The following TNRC6A variants were observed in gnomAD, a reference collection of about 807,000 sequenced individuals.
TNRC6A encodes trinucleotide repeat containing adaptor 6A.
In TNRC6A, 44 loss-of-function variants were observed where a neutral mutation model predicts 221.2. The ratio of observed to expected loss-of-function variants is 0.20; its 90% CI spans 0.16 to 0.26. TNRC6A has a LOEUF of 0.26. TNRC6A is among the 10% of genes least tolerant of loss of function. The pLI is 1.00. For missense variants in TNRC6A, 2,199 were observed against 2,404.4 expected, an observed-to-expected ratio of 0.91 and a Z score of 1.79; for synonymous variants, 847 against 838.5, an observed-to-expected ratio of 1.01 and a Z score of -0.18.
At chr16:24,675,698 CTCTCTATATATATATA>C (rs1427872029) in intron 2 of TNRC6A, among the ~76,000 whole-genome samples, 2 of 66,600 alleles carry the variant, frequency 3.0e-5, no homozygotes, top group African/African-American at 6.3e-5. Context: ...CTCTCTCTCT[CTCTCTATATATATATA>C]TATATATATA....
At chr16:24,610,788 C>G (rs1189666979) in intron 1 of TNRC6A, among the ~76,000 whole-genome samples, 2 of 152,032 alleles carry the variant, frequency 1.3e-5, no homozygotes, top group Non-Finnish European at 2.9e-5. Context: ...CACCTTCCCC[C>G]TTTCCACCCC....
chr16:24,671,398 C>T (rs2055298731), intron 2 of TNRC6A, among the ~76,000 whole-genome samples: 1 of 152,262 alleles, frequency 6.6e-6, no homozygotes, highest in South Asian at 2.1e-4. Flanking sequence ...CGCATTGACG[C>T]GGCTTGGACT....
intron 5 of TNRC6A, among the ~76,000 whole-genome samples, chr16:24,786,507 G>T (rs2057972571): frequency 6.6e-6 from 1 of 151,360 alleles, no homozygotes; most frequent in African/African-American, 2.4e-5. Context: ...GTAGAGATGG[G>T]CTTTCTCCGT....
rs993478193 is a variant in TNRC6A, at chr16:24,729,668, TGCGGCGGCGGCGGTG to T, written c.-173_-159del. The T allele has an allele frequency of 2.0e-4, 127 of 649,366 alleles. 7 individuals carry two copies. Among genetic ancestry groups the T allele is most frequent in the Non-Finnish European group, 2.4e-4 (111 of 458,754 alleles). 40.2% of individuals were successfully genotyped at this position (649,366 alleles called of 1,614,324 possible). ...GGGCATTCACTTCCGGTCTGGGGCC[TGCGGCGGCGGCGGTG>T]TCGGCGGCGGCGGCGGCGGCGGCGG... On this transcript the variant is annotated 5_prime_UTR_variant, in exon 1 of 25. Coordinates refer to ENST00000395799, the MANE Select transcript of TNRC6A (RefSeq NM_014494.4).
intron 2 of TNRC6A, among the ~76,000 whole-genome samples, chr16:24,709,086 G>A (rs965076783): frequency 3.9e-5 from 6 of 151,924 alleles, no homozygotes; most frequent in Non-Finnish European, 7.4e-5. Context: ...GAGAAACCCC[G>A]TCTCTACTAA....
chr16:24,692,370 A>C (rs367727126), intron 2 of TNRC6A, among the ~76,000 whole-genome samples: 15 of 152,298 alleles, frequency 9.8e-5, no homozygotes, highest in African/African-American at 3.6e-4. Flanking sequence ...CAGGAGTTCG[A>C]AACCAGCCTG....
intron 2 of TNRC6A, among the ~76,000 whole-genome samples, chr16:24,643,131 TATATATAA>T (rs1567319595): frequency 2.3e-5 from 1 of 43,256 alleles, no homozygotes; most frequent in Non-Finnish European, 4.8e-5. Context: ...ATAAAATATA[TATATATAA>T]AAAATCCATC....
intron 1 of TNRC6A, among the ~76,000 whole-genome samples, chr16:24,611,826 C>T (rs1900069478): frequency 6.6e-6 from 1 of 152,136 alleles, no homozygotes; most frequent in African/African-American, 2.4e-5. Context: ...GACACAGTGG[C>T]TCACACCTGT....
intron 11 of TNRC6A, 71 bp from the exon 12 acceptor site, chr16:24,804,106 T>C (rs2058381033): frequency 6.7e-7 from 1 of 1,490,102 alleles, no homozygotes; most frequent in Non-Finnish European, 8.9e-7. Context: ...AGTGTTTTGC[T>C]TTTGTTGTAA....
intron 4 of TNRC6A, 108 bp downstream of exon 4, chr16:24,758,468 G>A (rs373105475): frequency 5.0e-5 from 60 of 1,200,524 alleles, no homozygotes; most frequent in East Asian, 3.1e-4. Context: ...TGAAAGAAGC[G>A]GTTGGGATTA....
Position 24,745,191 on chromosome 16 carries a change from T to G in TNRC6A, c.54-5535T>G, listed in dbSNP as rs143658561. Among the ~76,000 whole-genome samples the G allele has an allele frequency of 6.8e-3, 1,032 of 152,324 alleles. 6 individuals carry two copies. Among genetic ancestry groups the G allele is most frequent in the Admixed American group, 0.011 (174 of 15,304 alleles). On this transcript the variant is annotated intron_variant, in intron 2 of 24. Transcript: ENST00000395799. ...ACTTCATTTTATCCTATTCTCTTCATTTTACAGCTGAAGCTTTTGAAAAAC... is the reference window on the plus strand; with the variant it reads ...ACTTCATTTTATCCTATTCTCTTCAGTTTACAGCTGAAGCTTTTGAAAAAC...
intron 2 of TNRC6A, chr16:24,671,096 A>C: frequency 3.6e-6 from 1 of 274,954 alleles, no homozygotes; most frequent in Non-Finnish European, 8.0e-6. Flanking sequence ...CTCCGCGCCA[A>C]GGTCACCCAC....
chr16:24,804,596 C>G, intron 12 of TNRC6A, 109 bp from the exon 13 acceptor site: 1 of 1,455,178 alleles, frequency 6.9e-7, no homozygotes, highest in Non-Finnish European at 9.2e-7. Flanking sequence ...CTACCTGTTT[C>G]CTGTTGATGC....
At chr16:24,711,380 T>C (rs1361642580) in intron 2 of TNRC6A, among the ~76,000 whole-genome samples, 2 of 152,124 alleles carry the variant, frequency 1.3e-5, no homozygotes, top group Non-Finnish European at 2.9e-5. Flanking sequence ...AATTTTGACA[T>C]ATATAGAGAG....
At chr16:24,667,128 A>G (rs2055188743) in intron 2 of TNRC6A, among the ~76,000 whole-genome samples, 1 of 152,014 alleles carries the variant, frequency 6.6e-6, no homozygotes, top group Non-Finnish European at 1.5e-5. Context: ...ATAAATAAGT[A>G]AAAATAAAAA....
At chr16:24,733,686 A>G (rs756395021) in intron 2 of TNRC6A, among the ~76,000 whole-genome samples, 8 of 152,254 alleles carry the variant, frequency 5.3e-5, no homozygotes, top group Non-Finnish European at 8.8e-5. Flanking sequence ...AAGGCCAGAT[A>G]TAGAGGTTCT....
intron 2 of TNRC6A, among the ~76,000 whole-genome samples, chr16:24,716,969 G>GA (rs61090241): frequency 2.0e-3 from 213 of 107,466 alleles, no homozygotes; most frequent in Middle Eastern, 4.9e-3. Context: ...AAAAAAAAAA[G>GA]AAAAAAAAAA....
In TNRC6A at chr16:24,798,970, G is replaced by A. The variant is rs1320792871; in HGVS notation, c.3694+1004G>A. 2.6e-5 allele frequency among the ~76,000 whole-genome samples: 4 copies of A among 152,304 alleles called. 1 individual carries two copies. The highest frequency in any genetic ancestry group is 3.9e-4 in the East Asian group (2 of 5,186). On this transcript the variant is annotated intron_variant, in intron 11 of 24. Transcript: ENST00000395799. ...ACTATGGTGCCATGCCAGTAGGAGTGCAGGAAATCCACCCTCTAAGATACC... is the reference window on the plus strand; with the variant it reads ...ACTATGGTGCCATGCCAGTAGGAGTACAGGAAATCCACCCTCTAAGATACC...
At chr16:24,756,320 T>C (rs1311513630) in intron 3 of TNRC6A, among the ~76,000 whole-genome samples, 1 of 152,194 alleles carries the variant, frequency 6.6e-6, no homozygotes, top group East Asian at 1.9e-4. Flanking sequence ...AAATGACTGA[T>C]CCCACCTGGA....
Sources: allele counts gnomAD v4.1 joint callset (sites outside exome capture counted in the v4.1 genomes callset), GRCh38; gene constraint gnomAD v4.1.1; transcripts MANE v1.5; gene names NCBI Gene and HGNC (gene_info 2026-07-23, HGNC 2026-07-21).